Variants in GLYR1 observed in about 807,000 individuals in gnomAD.
GLYR1 encodes cytokine-like nuclear factor N-PAC.
GLYR1 carries 21 observed loss-of-function variants against 72.7 expected under a neutral mutation model. The ratio of observed to expected loss-of-function variants is 0.29; its 90% CI spans 0.20 to 0.42. The LOEUF (loss-of-function observed/expected upper bound fraction) is 0.42. Among genes scored for constraint, GLYR1 ranks in the 10% least tolerant of loss-of-function variants. GLYR1 has a pLI of 1.00. For synonymous variants in GLYR1, 392 were observed against 270.2 expected (o/e 1.45, Z -4.42); for missense variants, 594 against 712.1 (o/e 0.83, Z 1.89).
intron 3 of GLYR1, among the ~76,000 whole-genome samples, chr16:4,836,283 T>A (rs776313243): frequency 6.6e-6 from 1 of 152,184 alleles, no homozygotes; most frequent in Non-Finnish European, 1.5e-5. Context: ...AGTTAAAAGG[T>A]GCTACAATGC....
intron 10 of GLYR1, among the ~76,000 whole-genome samples, chr16:4,816,704 G>A (rs577537187): frequency 6.6e-6 from 1 of 151,848 alleles, no homozygotes; most frequent in Non-Finnish European, 1.5e-5. Context: ...ATTACTTGTG[G>A]GCCAGGCACA....
At chr16:4,845,232 T>C (rs1490358335) in intron 2 of GLYR1, 79 bp from the exon 3 acceptor site, 5 of 884,642 alleles carry the variant, frequency 5.7e-6, no homozygotes, top group Admixed American at 2.2e-5. Context: ...TGCTCTACAG[T>C]TCTACGTTGC....
chr16:4,823,315 T>C (rs902038278), intron 6 of GLYR1, among the ~76,000 whole-genome samples: 7 of 152,218 alleles, frequency 4.6e-5, no homozygotes, highest in African/African-American at 1.7e-4. Context: ...CCTACTTGTG[T>C]CTGGTACCAA....
In GLYR1 at chr16:4,841,486, A is replaced by AG. The variant is rs60936117; in HGVS notation, c.155+3587dup. Among the ~76,000 whole-genome samples, 2 of 144,800 alleles carry AG rather than the reference A, an allele frequency of 1.4e-5. 1 individual carries two copies. The highest frequency in any genetic ancestry group is 5.1e-5 in the African/African-American group (2 of 39,322). The allele number at this position is 144,800 out of a possible 152,430, so 95.0% of individuals were successfully genotyped here. A position where few individuals can be genotyped will look rare whatever the true frequency, so the allele number is the denominator to read the frequency against. On this transcript the variant is annotated intron_variant, in intron 3 of 15. Transcript: ENST00000321919. ...AAAAAAAAAAAAAAAAAAAAAAAAA[A>AG]GTAAAAAATTTAGCAGGGCATGGTG...
chr16:4,835,723 C>T (rs1341251706), intron 3 of GLYR1, among the ~76,000 whole-genome samples: 3 of 152,068 alleles, frequency 2.0e-5, no homozygotes, highest in East Asian at 1.9e-4. Context: ...CCCAGCTACT[C>T]GGAAGGCTGA....
At chr16:4,827,551 C>T (rs1234597394) in intron 5 of GLYR1, among the ~76,000 whole-genome samples, 1 of 151,702 alleles carries the variant, frequency 6.6e-6, no homozygotes, top group African/African-American at 2.4e-5. Context: ...TTTTATTATG[C>T]GTTGTTTTAT....
chr16:4,823,212 G>C (rs972930244), intron 6 of GLYR1, among the ~76,000 whole-genome samples: 1 of 152,236 alleles, frequency 6.6e-6, no homozygotes, highest in African/African-American at 2.4e-5. Context: ...ATATTAACAA[G>C]CATACCTGTG....
intron 14 of GLYR1, 42 bp from the exon 15 acceptor site, chr16:4,811,336 GAAACTAA>G (rs1258953501): frequency 6.2e-7 from 1 of 1,609,910 alleles, no homozygotes; most frequent in South Asian, 1.1e-5. Flanking sequence ...CCAAGGACCT[GAAACTAA>G]AAACTACTTA....
intron 3 of GLYR1, among the ~76,000 whole-genome samples, chr16:4,841,599 C>G (rs1424641381): frequency 6.6e-6 from 1 of 151,510 alleles, no homozygotes; most frequent in Non-Finnish European, 1.5e-5. Context: ...AAGCCATGTC[C>G]GTGATACTGC....
At chr16:4,815,991 G>T (rs1013399491) in intron 10 of GLYR1, among the ~76,000 whole-genome samples, 2 of 151,852 alleles carry the variant, frequency 1.3e-5, no homozygotes, top group African/African-American at 4.8e-5. Flanking sequence ...CCGAGGTCTC[G>T]ATCTCCTGAC....
At chr16:4,838,737 C>T (rs1162025769) in intron 3 of GLYR1, among the ~76,000 whole-genome samples, 1 of 152,080 alleles carries the variant, frequency 6.6e-6, no homozygotes, top group Non-Finnish European at 1.5e-5. Flanking sequence ...CAGGTGCCCG[C>T]CACCACGCCC....
chr16:4,812,465 G>C (rs562449005), intron 12 of GLYR1, among the ~76,000 whole-genome samples: 1 of 152,044 alleles, frequency 6.6e-6, no homozygotes, highest in Non-Finnish European at 1.5e-5. Flanking sequence ...GAGACGCTGG[G>C]GTCTCCACAC....
rs143624351 is a variant in GLYR1 at position 4,804,933 on chromosome 16, CTGTGTGTGTGTGTGTGTGTGTGTGTG to C, written c.*277_*302del. 1 of 288,090 alleles carries C rather than the reference CTGTGTGTGTGTGTGTGTGTGTGTGTG, an allele frequency of 3.5e-6. No homozygotes were observed. Among genetic ancestry groups the C allele is most frequent in the Non-Finnish European group, 6.7e-6 (1 of 148,364 alleles). 17.8% of individuals were successfully genotyped at this position (288,090 alleles called of 1,614,324 possible). A position where few individuals can be genotyped will look rare whatever the true frequency, so the allele number is the denominator to read the frequency against. ...GCAGCTTCTATCCTGGGGCGAGAGC[CTGTGTGTGTGTGTGTGTGTGTGTGTG>C]TGTGTGTGTGTGAACACACAGCCAC... is the stretch of plus-strand genomic sequence containing the variant. On this transcript the variant is annotated 3_prime_UTR_variant, in exon 16 of 16. Transcript: ENST00000321919.
At chr16:4,825,846 G>T (rs1158411377) in intron 5 of GLYR1, among the ~76,000 whole-genome samples, 1 of 151,834 alleles carries the variant, frequency 6.6e-6, no homozygotes, top group Admixed American at 6.6e-5. Context: ...TAGAGACGGG[G>T]TTTCACCATG....
At chr16:4,825,040 C>A (rs1024831674) in intron 5 of GLYR1, among the ~76,000 whole-genome samples, 1 of 152,202 alleles carries the variant, frequency 6.6e-6, no homozygotes, top group African/African-American at 2.4e-5. Flanking sequence ...ACCATCCCTG[C>A]TACTAATACC....
chr16:4,838,662 C>T (rs903680595), intron 3 of GLYR1, among the ~76,000 whole-genome samples: 6 of 151,900 alleles, frequency 3.9e-5, no homozygotes, highest in African/African-American at 7.3e-5. Flanking sequence ...TCTCGACTTA[C>T]GGCAAGCTCT....
At chr16:4,829,995 G>A (rs917711710) in intron 5 of GLYR1, among the ~76,000 whole-genome samples, 2 of 151,530 alleles carry the variant, frequency 1.3e-5, no homozygotes, top group Non-Finnish European at 2.9e-5. Flanking sequence ...ATAGAGATGG[G>A]GTTTCCCTAT....
chr16:4,825,750 C>T (rs2084342221), intron 5 of GLYR1, among the ~76,000 whole-genome samples: 1 of 151,910 alleles, frequency 6.6e-6, no homozygotes, highest in Non-Finnish European at 1.5e-5. Context: ...CTCCTGGGTT[C>T]CAGCGATTCT....
At chr16:4,838,289 C>T (rs780760578) in intron 3 of GLYR1, among the ~76,000 whole-genome samples, 7 of 152,330 alleles carry the variant, frequency 4.6e-5, no homozygotes, top group South Asian at 2.1e-4. Context: ...AGACACCTCA[C>T]ATCCAGCGAG....
Sources: allele counts gnomAD v4.1 joint callset (sites outside exome capture counted in the v4.1 genomes callset), GRCh38; gene constraint gnomAD v4.1.1; transcripts MANE v1.5; gene names NCBI Gene and HGNC (gene_info 2026-07-23, HGNC 2026-07-21).